Variants in FRMD6 observed in about 807,000 individuals in gnomAD.
The protein encoded by FRMD6 is FERM domain-containing protein 6.
Under a neutral mutation model 73.2 loss-of-function variants are expected in FRMD6, and 37 were observed. That is an observed-to-expected ratio of 0.51 (90% CI 0.39 to 0.66). The LOEUF is 0.66. Among genes scored for constraint, FRMD6 ranks in the 30% least tolerant of loss-of-function variants. FRMD6 has a pLI of 0.00. For synonymous variants in FRMD6, 273 were observed against 282.2 expected, an observed-to-expected ratio of 0.97 and a Z score of 0.33; for missense variants, 714 against 780.5, an observed-to-expected ratio of 0.91 and a Z score of 1.02.
chr14:51,532,695 C>G (rs1005373791), intron 1 of FRMD6, among the ~76,000 whole-genome samples: 1 of 152,146 alleles, frequency 6.6e-6, no homozygotes. Context: ...CCTATATAAA[C>G]AACCACCTAC....
At chr14:51,530,937 T>G (rs1885546750) in intron 1 of FRMD6, among the ~76,000 whole-genome samples, 1 of 152,130 alleles carries the variant, frequency 6.6e-6, no homozygotes, top group African/African-American at 2.4e-5. Context: ...GAACACAAAT[T>G]TATTGGCTCA....
At chr14:51,654,296 T>G (rs1892653702) in intron 1 of FRMD6, among the ~76,000 whole-genome samples, 1 of 94,192 alleles carries the variant, frequency 1.1e-5, no homozygotes, top group Non-Finnish European at 2.3e-5. Context: ...TGAACTAGGT[T>G]AGCTGAATTG....
At chr14:51,536,166 A>G (rs1401818149) in intron 1 of FRMD6, among the ~76,000 whole-genome samples, 5 of 149,928 alleles carry the variant, frequency 3.3e-5, no homozygotes, top group African/African-American at 1.2e-4. Flanking sequence ...GTAATCATGA[A>G]TCACTGCAGC....
At position 51,644,387 on chromosome 14, in the gene FRMD6, A is replaced by ACACACACT. The variant is rs1489278384; in HGVS notation, c.-146-45303_-146-45302insACACACTC. 3.7e-3 allele frequency among the ~76,000 whole-genome samples: 423 copies of ACACACACT among 115,050 alleles called. 1 individual carries two copies. The highest frequency in any genetic ancestry group is 9.5e-3 in the African/African-American group (326 of 34,292). The allele number at this position is 115,050 out of a possible 152,430, so 75.5% of individuals were successfully genotyped here. Reference sequence around the variant, plus strand: ...CACACACACACACACACACACACACACTCACTCACTCTCTCTCTCTCTCTC... The same window carrying ACACACACT: ...CACACACACACACACACACACACACACACACACTCTCACTCACTCTCTCTCTCTCTCTC... On this transcript the variant is annotated intron_variant, in intron 2 of 14. Transcript: ENST00000356218.
intron 2 of FRMD6, among the ~76,000 whole-genome samples, chr14:51,608,280 C>T (rs1890346511): frequency 6.6e-6 from 1 of 152,172 alleles, no homozygotes; most frequent in Non-Finnish European, 1.5e-5. Flanking sequence ...ATTAAAACAA[C>T]ACAGACATAA....
At chr14:51,658,208 A>C (rs1892975170) in intron 1 of FRMD6, among the ~76,000 whole-genome samples, 1 of 152,102 alleles carries the variant, frequency 6.6e-6, no homozygotes, top group Non-Finnish European at 1.5e-5. Flanking sequence ...GTTCAGATAG[A>C]CTCAGATCTG....
intron 2 of FRMD6, among the ~76,000 whole-genome samples, chr14:51,619,983 T>G (rs2139916437): frequency 6.6e-6 from 1 of 152,338 alleles, no homozygotes; most frequent in South Asian, 2.1e-4. Context: ...CTTGTTACTT[T>G]CAGAGGTGAC....
At chr14:51,404,591 A>C in the FRMD6 span, among the ~76,000 whole-genome samples, 3 of 152,260 alleles carry the variant, frequency 2.0e-5, no homozygotes, top group Middle Eastern at 6.8e-3. Context: ...TAATGTGGAA[A>C]TCCAATTTGA....
chr14:51,569,048 G>T (rs572023669), intron 1 of FRMD6, among the ~76,000 whole-genome samples: 5 of 152,064 alleles, frequency 3.3e-5, no homozygotes, highest in African/African-American at 1.2e-4. Context: ...TTTTCACCAC[G>T]TTGGCCAGGC....
intron 2 of FRMD6, among the ~76,000 whole-genome samples, chr14:51,690,671 C>T (rs1265540629): frequency 3.3e-5 from 5 of 152,134 alleles, no homozygotes; most frequent in Admixed American, 6.5e-5. Context: ...CGTGAGCCAC[C>T]GCGCCCAGCC....
intron 2 of FRMD6, among the ~76,000 whole-genome samples, chr14:51,603,540 T>C (rs756310902): frequency 1.3e-5 from 2 of 152,180 alleles, no homozygotes; most frequent in Non-Finnish European, 2.9e-5. Flanking sequence ...AACTTTCCTT[T>C]GATACTAGAG....
chr14:51,698,897 T>C (rs1896115850), intron 3 of FRMD6, among the ~76,000 whole-genome samples: 1 of 152,148 alleles, frequency 6.6e-6, no homozygotes, highest in Non-Finnish European at 1.5e-5. Flanking sequence ...TTCCTTCAAA[T>C]GATATTTTTA....
chr14:51,472,345 C>T, the FRMD6 span, among the ~76,000 whole-genome samples: 4 of 152,052 alleles, frequency 2.6e-5, no homozygotes, highest in Non-Finnish European at 4.4e-5. Flanking sequence ...TCTCTGTCGC[C>T]CAGGCTGGAG....
chr14:51,450,808 A>G, the FRMD6 span, among the ~76,000 whole-genome samples: 1 of 152,122 alleles, frequency 6.6e-6, no homozygotes, highest in African/African-American at 2.4e-5. Context: ...AAATTCCACA[A>G]ATGTTTGTTG....
At chr14:51,537,007 C>G (rs1209264802) in intron 1 of FRMD6, among the ~76,000 whole-genome samples, 1 of 152,202 alleles carries the variant, frequency 6.6e-6, no homozygotes, top group Non-Finnish European at 1.5e-5. Flanking sequence ...TTGGTTAAGA[C>G]TGATAAATCT....
the FRMD6 span, among the ~76,000 whole-genome samples, chr14:51,448,518 G>T: frequency 6.6e-6 from 1 of 152,224 alleles, no homozygotes; most frequent in Non-Finnish European, 1.5e-5. Context: ...TGTCTGAGAA[G>T]CAATTGTTAA....
At chr14:51,526,827 G>A (rs1460300949) in intron 1 of FRMD6, among the ~76,000 whole-genome samples, 1 of 152,210 alleles carries the variant, frequency 6.6e-6, no homozygotes, top group East Asian at 1.9e-4. Context: ...TGAGAACATG[G>A]ACTCTGTCTC....
At chr14:51,563,807 T>C (rs1382737837) in intron 1 of FRMD6, among the ~76,000 whole-genome samples, 2 of 152,234 alleles carry the variant, frequency 1.3e-5, no homozygotes, top group African/African-American at 4.8e-5. Context: ...AAATGCTTAA[T>C]ATAATCAAGC....
chr14:51,702,926 G>A (rs774587380), intron 5 of FRMD6, among the ~76,000 whole-genome samples: 1 of 151,978 alleles, frequency 6.6e-6, no homozygotes, highest in Non-Finnish European at 1.5e-5. Context: ...GAAGAAACTA[G>A]CACTTTTGTA....
Sources: gnomAD v4.1 joint callset for allele counts (sites outside exome capture counted in the v4.1 genomes callset) on GRCh38, gnomAD v4.1.1 for gene constraint, MANE v1.5 for transcripts, NCBI Gene and HGNC (gene_info 2026-07-23, HGNC 2026-07-21) for gene names.